DPP6: variants seen among roughly 807,000 people sequenced by gnomAD.
DPP6 encodes A-type potassium channel modulatory protein DPP6.
Under a neutral mutation model 122.6 loss-of-function variants are expected in DPP6, and 69 were observed. The ratio of observed to expected loss-of-function variants is 0.56; its 90% confidence interval spans 0.46 to 0.69. DPP6 has a LOEUF of 0.69. DPP6 is among the 30% of genes least tolerant of loss of function. DPP6 has a pLI of 0.00. For missense variants in DPP6, 928 were observed against 1,116.9 expected (o/e 0.83, Z 2.41); for synonymous variants, 418 against 433.1 (o/e 0.97, Z 0.43).
At chr7:154,864,863 G>A (rs1050084684) in intron 17 of DPP6, among the ~76,000 whole-genome samples, 3 of 152,192 alleles carry the variant, frequency 2.0e-5, no homozygotes, top group Non-Finnish European at 4.4e-5. Context: ...TCTCAGATCC[G>A]GAAACTGGTA....
chr7:154,724,726 C>A (rs966436269), intron 7 of DPP6, among the ~76,000 whole-genome samples: 1 of 151,840 alleles, frequency 6.6e-6, no homozygotes, highest in African/African-American at 2.4e-5. Flanking sequence ...GTTGTCAGAC[C>A]CCTAGAGACA....
chr7:154,164,592 A>G lies in DPP6; in HGVS notation c.243+111529A>G, dbSNP rs1285706181. Among the ~76,000 whole-genome samples the G allele has an allele frequency of 2.0e-5, 3 of 152,228 alleles. No homozygotes were observed. The East Asian group carries it at 5.8e-4, about 29-fold the overall frequency. On this transcript the variant is annotated intron_variant, in intron 1 of 25. Coordinates refer to ENST00000377770, the MANE Select transcript of DPP6 (RefSeq NM_130797.4). ...TTTTAGAATATTTTCATCATCCAAA[A>G]TAGAAATCCAATATCCATTAGCAGT...
At position 154,289,232 on chromosome 7, in the gene DPP6, A is replaced by G. The variant is rs375983029; in HGVS notation, c.244-156982A>G. The stretch of plus-strand genomic sequence containing the variant: ...AGCAGTCATCAACTATGATGGAAAA[A>G]TATTTCCGAGACTTGATAAGTCATC... On this transcript the variant is annotated intron_variant, in intron 1 of 25. Coordinates refer to ENST00000377770, the MANE Select transcript of DPP6 (RefSeq NM_130797.4). Among the ~76,000 whole-genome samples, 80 of 152,338 alleles carry G rather than the reference A, an allele frequency of 5.3e-4. 1 individual carries two copies. The South Asian group carries it at 0.017, about 32-fold the overall frequency.
At chr7:154,009,484 C>T (rs1322091023) in intron 1 of DPP6, among the ~76,000 whole-genome samples, 4 of 148,684 alleles carry the variant, frequency 2.7e-5, no homozygotes, top group Non-Finnish European at 5.9e-5. Flanking sequence ...ATCCCTGATG[C>T]TTCACCCTGG....
chr7:154,335,257 G>T (rs1450835502), intron 1 of DPP6, among the ~76,000 whole-genome samples: 1 of 152,210 alleles, frequency 6.6e-6, no homozygotes, highest in African/African-American at 2.4e-5. Flanking sequence ...TGCAGTGAAT[G>T]CAGGATGCTT....
chr7:153,780,348 T>G, the DPP6 span, among the ~76,000 whole-genome samples: 4 of 152,188 alleles, frequency 2.6e-5, no homozygotes, highest in Non-Finnish European at 5.9e-5. Flanking sequence ...GAGAAAGGCT[T>G]CTCTACTGAC....
chr7:154,306,278 G>A (rs1009386468), intron 1 of DPP6, among the ~76,000 whole-genome samples: 3 of 152,206 alleles, frequency 2.0e-5, no homozygotes, highest in Admixed American at 6.5e-5. Context: ...GGGTGAGGGA[G>A]GAAAGGTGAG....
At chr7:154,393,552 C>A (rs1345419387) in intron 1 of DPP6, among the ~76,000 whole-genome samples, 1 of 136,854 alleles carries the variant, frequency 7.3e-6, no homozygotes, top group Non-Finnish European at 1.6e-5. Flanking sequence ...GGAGATTGTT[C>A]AATTTTTTTT....
At chr7:153,843,175 AGTGCATACACACGC>A in the DPP6 span, among the ~76,000 whole-genome samples, 77 of 151,722 alleles carry the variant, frequency 5.1e-4, no homozygotes, top group South Asian at 1.0e-3. Flanking sequence ...TACACACACG[AGTGCATACACACGC>A]GTGCATACAC....
At chr7:153,911,894 C>T (rs1310595226) in intron 1 of DPP6, among the ~76,000 whole-genome samples, 1 of 152,148 alleles carries the variant, frequency 6.6e-6, no homozygotes, top group Non-Finnish European at 1.5e-5. Context: ...AATGGCTGTC[C>T]ATTAAAATCT....
chr7:154,549,513 T>C (rs1829471283), intron 4 of DPP6, among the ~76,000 whole-genome samples: 1 of 152,192 alleles, frequency 6.6e-6, no homozygotes, highest in South Asian at 2.1e-4. Flanking sequence ...AGCGACAAGA[T>C]GACACACAAG....
At chr7:153,995,611 AT>A (rs1797393646) in intron 1 of DPP6, among the ~76,000 whole-genome samples, 1 of 143,990 alleles carries the variant, frequency 6.9e-6, no homozygotes, top group Non-Finnish European at 1.5e-5. Context: ...AAAAAAAAGA[AT>A]GAAGAAGGCA....
chr7:153,960,378 A>C (rs557109624), intron 1 of DPP6, among the ~76,000 whole-genome samples: 50 of 152,274 alleles, frequency 3.3e-4, no homozygotes, highest in African/African-American at 1.2e-3. Context: ...TTAGTTGGAC[A>C]AAAACACATT....
chr7:154,528,933 A>G (rs1363925440), intron 3 of DPP6, among the ~76,000 whole-genome samples: 1 of 152,188 alleles, frequency 6.6e-6, no homozygotes, highest in Non-Finnish European at 1.5e-5. Flanking sequence ...TGTTGGGGTG[A>G]TAGGCATTCA....
At chr7:154,699,242 A>G (rs937010) in intron 7 of DPP6, among the ~76,000 whole-genome samples, 11,090 of 152,260 alleles carry the variant, frequency 0.073, 979 homozygotes, top group East Asian at 0.23. Context: ...CACTCGTATT[A>G]GGACTGTATA....
chr7:154,750,277 G>A (rs1843311128), intron 8 of DPP6, among the ~76,000 whole-genome samples: 1 of 152,210 alleles, frequency 6.6e-6, no homozygotes, highest in Admixed American at 6.5e-5. Context: ...AGAAGCGGGA[G>A]TCGCAGCCTA....
chr7:153,923,387 A>C (rs1800732836), intron 1 of DPP6, among the ~76,000 whole-genome samples: 1 of 152,182 alleles, frequency 6.6e-6, no homozygotes, highest in Admixed American at 6.5e-5. Flanking sequence ...ACTTGCAGAC[A>C]ACCATGTGGA....
At chr7:154,306,445 G>A (rs1212421271) in intron 1 of DPP6, among the ~76,000 whole-genome samples, 1 of 152,226 alleles carries the variant, frequency 6.6e-6, no homozygotes, top group Non-Finnish European at 1.5e-5. Flanking sequence ...GTTTGCTCAA[G>A]CGTGGTAAAT....
upstream of DPP6, among the ~76,000 whole-genome samples, chr7:153,885,143 G>A (rs1463849265): frequency 6.6e-6 from 1 of 151,642 alleles, no homozygotes; most frequent in Non-Finnish European, 1.5e-5. Flanking sequence ...AATTCTAGAT[G>A]AACGAATGCC....
Sources: allele counts gnomAD v4.1 joint callset (sites outside exome capture counted in the v4.1 genomes callset), GRCh38; gene constraint gnomAD v4.1.1; transcripts MANE v1.5; gene names NCBI Gene and HGNC (gene_info 2026-07-23, HGNC 2026-07-21).